Variants in SLC5A4 observed in about 807,000 individuals in gnomAD.
SLC5A4 encodes solute carrier family 5 member 4.
A neutral mutation model predicts 70.3 loss-of-function variants in SLC5A4; 55 were observed. The ratio of observed to expected loss-of-function variants is 0.78; its 90% CI spans 0.63 to 0.98. The LOEUF (loss-of-function observed/expected upper bound fraction) is 0.98. Ranked by LOEUF, SLC5A4 falls within the 50% of genes least tolerant of loss-of-function variation. The pLI, the probability that SLC5A4 is intolerant of heterozygous loss-of-function variation, is 0.00. For synonymous variants in SLC5A4, 268 were observed against 305.7 expected (o/e 0.88, Z 1.29); for missense variants, 735 against 839.2 (o/e 0.88, Z 1.53).
At chr22:32,272,240 G>A in the SLC5A4 span, 1 of 782,310 alleles carries the variant, frequency 1.3e-6, no homozygotes, top group South Asian at 1.4e-5. Flanking sequence ...TGACTGAGGT[G>A]GTGCCCGAGC....
chr22:32,246,458 G>T (rs1926838193), intron 5 of SLC5A4, among the ~76,000 whole-genome samples: 1 of 152,138 alleles, frequency 6.6e-6, no homozygotes, highest in Admixed American at 6.5e-5. Context: ...TTTTTTACAT[G>T]TGCTGCTGAA....
chr22:32,352,106 T>C, the SLC5A4 span, among the ~76,000 whole-genome samples: 1 of 152,042 alleles, frequency 6.6e-6, no homozygotes, highest in Non-Finnish European at 1.5e-5. Context: ...GATGAGTTCA[T>C]GGCCTTTGTA....
At chr22:32,340,386 G>A in the SLC5A4 span, among the ~76,000 whole-genome samples, 1 of 152,210 alleles carries the variant, frequency 6.6e-6, no homozygotes. Context: ...CACCTACTAT[G>A]TGTCAGGCAC....
At chr22:32,304,168 C>G in the SLC5A4 span, among the ~76,000 whole-genome samples, 10 of 152,090 alleles carry the variant, frequency 6.6e-5, no homozygotes, top group African/African-American at 2.2e-4. Flanking sequence ...GCTCTGTCAT[C>G]CGGGGTGGAG....
At chr22:32,307,946 C>G in the SLC5A4 span, among the ~76,000 whole-genome samples, 1 of 151,740 alleles carries the variant, frequency 6.6e-6, no homozygotes, top group African/African-American at 2.4e-5. Context: ...TGTTTCCAAC[C>G]CTAGATTTTC....
At chr22:32,307,142 C>G in the SLC5A4 span, among the ~76,000 whole-genome samples, 1 of 135,396 alleles carries the variant, frequency 7.4e-6, no homozygotes, top group African/African-American at 2.8e-5. Context: ...ATTTATGGTA[C>G]AGTGTCGTGA....
the SLC5A4 span, among the ~76,000 whole-genome samples, chr22:32,332,903 A>G: frequency 6.6e-6 from 1 of 151,786 alleles, no homozygotes; most frequent in Non-Finnish European, 1.5e-5. Context: ...CCTGCCTCCC[A>G]CTCTGCGAAA....
At chr22:32,306,820 A>G in the SLC5A4 span, among the ~76,000 whole-genome samples, 1 of 152,168 alleles carries the variant, frequency 6.6e-6, no homozygotes, top group Non-Finnish European at 1.5e-5. Flanking sequence ...TTATTTGACT[A>G]TGATGTATGC....
the SLC5A4 span, among the ~76,000 whole-genome samples, chr22:32,348,405 T>C: frequency 6.6e-6 from 1 of 152,114 alleles, no homozygotes; most frequent in South Asian, 2.1e-4. Context: ...TGGCCTTCTG[T>C]GCTGAGTCTG....
At chr22:32,252,541 A>T (rs540529250) in intron 2 of SLC5A4, among the ~76,000 whole-genome samples, 62 of 152,282 alleles carry the variant, frequency 4.1e-4, no homozygotes, top group African/African-American at 1.3e-3. Flanking sequence ...TTGTCCTACA[A>T]CAGCGGGGTT....
the SLC5A4 span, among the ~76,000 whole-genome samples, chr22:32,294,753 C>T: frequency 1.4e-4 from 19 of 135,578 alleles, no homozygotes; most frequent in South Asian, 4.9e-4. Flanking sequence ...CATGCTGGTG[C>T]GCTGCACCCA....
chr22:32,255,246 G>A lies in SLC5A4; in HGVS notation c.84C>T (p.Asp28=). 2 of 1,614,070 alleles carry A rather than the reference G, an allele frequency of 1.2e-6. No homozygotes were observed. The highest frequency in any genetic ancestry group is 2.2e-5 in the East Asian group (1 of 44,890). Residue 28 remains aspartate (D), a synonymous_variant, in exon 1 of 15, where the codon GAC becomes GAT. Transcript: ENST00000266086. The part of the protein sequence containing the change: ...PLSDHIRNAA[D]ISVIVIYFLV... The stretch of plus-strand genomic sequence containing the variant: ...GAAAATAGATGACAATGACTGAGAT[G>A]TCAGCAGCATTTCGGATGTGGTCAG...
the SLC5A4 span, among the ~76,000 whole-genome samples, chr22:32,344,921 TC>T: frequency 1.3e-5 from 2 of 152,154 alleles, no homozygotes; most frequent in Non-Finnish European, 2.9e-5. Context: ...GACTATCTCC[TC>T]CCATTTCACA....
the SLC5A4 span, among the ~76,000 whole-genome samples, chr22:32,291,468 C>T: frequency 1.2e-3 from 182 of 152,278 alleles, 2 homozygotes; most frequent in East Asian, 0.028. Context: ...TGAGGCACTG[C>T]GCCGGGGTCA....
the SLC5A4 span, among the ~76,000 whole-genome samples, chr22:32,332,704 C>T: frequency 6.6e-6 from 1 of 152,124 alleles, no homozygotes; most frequent in Non-Finnish European, 1.5e-5. Context: ...GTCGCTTTAC[C>T]CTCCTGACGT....
chr22:32,289,238 G>GA, the SLC5A4 span, among the ~76,000 whole-genome samples: 1 of 151,924 alleles, frequency 6.6e-6, no homozygotes, highest in African/African-American at 2.4e-5. Context: ...TTCTATTAAA[G>GA]AAAAAATGTT....
At chr22:32,267,361 T>C in the SLC5A4 span, among the ~76,000 whole-genome samples, 1 of 152,090 alleles carries the variant, frequency 6.6e-6, no homozygotes, top group African/African-American at 2.4e-5. Flanking sequence ...TCCAACTGAG[T>C]TGTCAGTGGA....
the SLC5A4 span, among the ~76,000 whole-genome samples, chr22:32,281,111 T>C: frequency 6.6e-6 from 1 of 152,130 alleles, no homozygotes; most frequent in East Asian, 1.9e-4. Flanking sequence ...AAATAGACAT[T>C]TCTAACAAGA....
the SLC5A4 span, among the ~76,000 whole-genome samples, chr22:32,339,142 G>C: frequency 6.6e-6 from 1 of 152,318 alleles, no homozygotes; most frequent in South Asian, 2.1e-4. Context: ...CATCATTAGA[G>C]ACGCGCAAAA....
Sources: gnomAD v4.1 joint callset for allele counts (sites outside exome capture counted in the v4.1 genomes callset) on GRCh38, gnomAD v4.1.1 for gene constraint, MANE v1.5 for transcripts, NCBI Gene and HGNC (gene_info 2026-07-23, HGNC 2026-07-21) for gene names.